NTM: variants seen among roughly 807,000 people sequenced by gnomAD.
The protein encoded by NTM is neurotrimin, also known as IgLON family member 2.
Under a neutral mutation model 42.1 loss-of-function variants are expected in NTM, and 13 were observed. The observed-to-expected ratio is 0.31, with a 90% CI of 0.20 to 0.49. The LOEUF (loss-of-function observed/expected upper bound fraction) is 0.49, where lower values mean the gene tolerates loss of function less well. NTM is among the 20% of genes least tolerant of loss of function. The pLI, the probability that NTM is intolerant of heterozygous loss-of-function variation, is 0.99. For synonymous variants in NTM, 187 were observed against 179.2 expected (o/e 1.04, Z -0.35); for missense variants, 373 against 452.8 (o/e 0.82, Z 1.60).
chr11:132,110,700 TA>T (rs1452604936), intron 2 of NTM, among the ~76,000 whole-genome samples: 2 of 152,246 alleles, frequency 1.3e-5, no homozygotes, highest in Admixed American at 6.5e-5. Context: ...TGAACTTCTC[TA>T]TTCACATAGC....
At chr11:131,565,240 C>T (rs1432896959) in intron 1 of NTM, among the ~76,000 whole-genome samples, 20 of 152,228 alleles carry the variant, frequency 1.3e-4, no homozygotes. Flanking sequence ...CACCTCCAGC[C>T]TCAACCAAAC....
chr11:132,258,576 C>T (rs922129994), intron 4 of NTM, among the ~76,000 whole-genome samples: 18 of 152,088 alleles, frequency 1.2e-4, no homozygotes, highest in African/African-American at 4.3e-4. Context: ...CTCACCTAGG[C>T]TTCTCTCTAT....
intron 1 of NTM, among the ~76,000 whole-genome samples, chr11:131,564,222 C>T (rs374032909): frequency 2.6e-5 from 4 of 152,356 alleles, no homozygotes; most frequent in African/African-American, 9.6e-5. Context: ...CTCTTTCTTT[C>T]ATCCTGGTGC....
intron 1 of NTM, among the ~76,000 whole-genome samples, chr11:131,694,427 G>A (rs2075177571): frequency 6.6e-6 from 1 of 152,210 alleles, no homozygotes; most frequent in Non-Finnish European, 1.5e-5. Context: ...GGGTCTAGAA[G>A]CTGAGTCTGG....
intron 1 of NTM, among the ~76,000 whole-genome samples, chr11:131,503,852 G>A (rs367620971): frequency 8.5e-5 from 13 of 152,142 alleles, no homozygotes; most frequent in South Asian, 8.3e-4. Context: ...AGGGTTGTGC[G>A]TGTTTCTTTA....
chr11:131,695,402 C>G (rs1244648608), intron 1 of NTM, among the ~76,000 whole-genome samples: 2 of 152,086 alleles, frequency 1.3e-5, no homozygotes. Context: ...ACCTTCATGC[C>G]GGCACATGTT....
At chr11:132,194,719 T>G (rs909321447) in intron 3 of NTM, among the ~76,000 whole-genome samples, 1 of 152,100 alleles carries the variant, frequency 6.6e-6, no homozygotes, top group African/African-American at 2.4e-5. Flanking sequence ...TAGAAAACCC[T>G]GTAGGCTCTG....
chr11:131,648,749 T>C (rs2066084245), intron 1 of NTM, among the ~76,000 whole-genome samples: 1 of 152,126 alleles, frequency 6.6e-6, no homozygotes, highest in Non-Finnish European at 1.5e-5. Flanking sequence ...GCAGTAACAG[T>C]GAGTAGATGG....
intron 1 of NTM, among the ~76,000 whole-genome samples, chr11:131,801,814 C>T (rs1410969578): frequency 6.6e-6 from 1 of 152,068 alleles, no homozygotes; most frequent in Admixed American, 6.5e-5. Context: ...GACGTCCTGT[C>T]CTGAACCTTT....
At chr11:131,963,632 T>C (rs1446608226) in intron 2 of NTM, among the ~76,000 whole-genome samples, 1 of 152,212 alleles carries the variant, frequency 6.6e-6, no homozygotes, top group Non-Finnish European at 1.5e-5. Flanking sequence ...GAGCATCCCT[T>C]GATTCAGCCA....
intron 1 of NTM, among the ~76,000 whole-genome samples, chr11:131,803,580 G>T (rs779413848): frequency 2.0e-5 from 3 of 152,192 alleles, no homozygotes; most frequent in Non-Finnish European, 4.4e-5. Context: ...AAAGTGCTGG[G>T]ATTACAGGTG....
At chr11:131,957,365 C>G (rs953583931) in intron 2 of NTM, among the ~76,000 whole-genome samples, 9 of 152,118 alleles carry the variant, frequency 5.9e-5, no homozygotes, top group Non-Finnish European at 1.2e-4. Flanking sequence ...GCAACTTGGC[C>G]CAGTCTCTGG....
chr11:131,826,198 T>A (rs2042106025), intron 1 of NTM, among the ~76,000 whole-genome samples: 1 of 152,014 alleles, frequency 6.6e-6, no homozygotes, highest in South Asian at 2.1e-4. Flanking sequence ...ATGATCACAA[T>A]TTAGATTGCT....
chr11:131,445,656 A>T (rs1017405385), intron 1 of NTM, among the ~76,000 whole-genome samples: 2 of 152,186 alleles, frequency 1.3e-5, no homozygotes, highest in African/African-American at 4.8e-5. Context: ...TGACCAGGAC[A>T]CATGTGACTT....
chr11:131,545,453 T>A (rs1288768653), intron 1 of NTM, among the ~76,000 whole-genome samples: 1 of 152,148 alleles, frequency 6.6e-6, no homozygotes, highest in Non-Finnish European at 1.5e-5. Context: ...TTGGTTTGGT[T>A]CATTAAATGC....
Position 132,146,217 on chromosome 11 carries a change from A to C in NTM, c.168-65A>C. ...AAGATATTCTAGCCTTGCCATGAGG[A>C]CCTCCCTCTGATGGCTGCTGTCGTC... On this transcript the variant is annotated intron_variant, in intron 2 of 8. Coordinates refer to ENST00000683400, the MANE Select transcript of NTM (RefSeq NM_001352005.2). This position sits in a 1 kb window ranked among gnomAD's most constrained non-coding sequence, Gnocchi z 4.5. The C allele has an allele frequency of 6.3e-7, 1 of 1,589,774 alleles. No homozygotes were observed.
chr11:131,928,255 T>C (rs1289138811), intron 2 of NTM, among the ~76,000 whole-genome samples: 5 of 152,236 alleles, frequency 3.3e-5, no homozygotes, highest in South Asian at 4.1e-4. Flanking sequence ...TAGATACTTA[T>C]AATACTTATC....
At chr11:131,584,848 G>T (rs1371532421) in intron 1 of NTM, among the ~76,000 whole-genome samples, 15 of 152,180 alleles carry the variant, frequency 9.9e-5, no homozygotes, top group Admixed American at 9.8e-4. Flanking sequence ...CTGATGGGAC[G>T]GAGGCTGGCC....
At chr11:131,848,519 T>G (rs922342161) in intron 1 of NTM, among the ~76,000 whole-genome samples, 1 of 152,242 alleles carries the variant, frequency 6.6e-6, no homozygotes. Context: ...TACAGAGAAC[T>G]CATCCCTCCC....
Sources: gnomAD v4.1 joint callset for allele counts (sites outside exome capture counted in the v4.1 genomes callset) on GRCh38, gnomAD v4.1.1 for gene constraint, Gnocchi (gnomAD v3.1) non-coding constraint, MANE v1.5 for transcripts, NCBI Gene and HGNC (gene_info 2026-07-23, HGNC 2026-07-21) for gene names.